Variants in RNF125 observed in about 807,000 individuals in gnomAD.
RNF125 encodes ring finger protein 125, also known as E3 ubiquitin-protein ligase RNF125.
Under a neutral mutation model 26.0 loss-of-function variants are expected in RNF125, and 21 were observed. That is an observed-to-expected ratio of 0.81 (90% CI 0.57 to 1.16). RNF125 has a LOEUF of 1.16. Ranked by LOEUF, RNF125 falls within the 50% of genes most tolerant of loss-of-function variation. The pLI is 0.00. For synonymous variants in RNF125, 95 were observed against 109.2 expected (o/e 0.87, Z 0.81); for missense variants, 270 against 299.4 (o/e 0.90, Z 0.72).
intron 1 of RNF125, among the ~76,000 whole-genome samples, chr18:32,032,778 G>A (rs939253997): frequency 6.6e-6 from 1 of 151,972 alleles, no homozygotes; most frequent in Non-Finnish European, 1.5e-5. Context: ...AGAATCACTG[G>A]AACCTGGGAG....
chr18:32,043,356 C>T (rs774568763), intron 3 of RNF125, among the ~76,000 whole-genome samples: 3 of 152,046 alleles, frequency 2.0e-5, no homozygotes, highest in Non-Finnish European at 4.4e-5. Flanking sequence ...TTTCTCTCTC[C>T]CAGAGAAAAA....
At chr18:32,056,145 C>G (rs1313018086) in intron 4 of RNF125, among the ~76,000 whole-genome samples, 1 of 151,576 alleles carries the variant, frequency 6.6e-6, no homozygotes, top group Non-Finnish European at 1.5e-5. Context: ...TGCAAGGATT[C>G]TTACTCTCTT....
intron 1 of RNF125, among the ~76,000 whole-genome samples, chr18:32,036,459 C>T (rs932831261): frequency 9.9e-5 from 15 of 151,320 alleles, no homozygotes; most frequent in African/African-American, 3.4e-4. Flanking sequence ...TCTTCAACAA[C>T]TCCTATAAAT....
chr18:32,085,916 AG>A, the RNF125 span, among the ~76,000 whole-genome samples: 1 of 152,152 alleles, frequency 6.6e-6, no homozygotes, highest in Admixed American at 6.6e-5. Context: ...GCAAATGCCT[AG>A]GTCAGATACT....
the RNF125 span, among the ~76,000 whole-genome samples, chr18:32,079,630 G>A: frequency 6.6e-6 from 1 of 152,144 alleles, no homozygotes; most frequent in Non-Finnish European, 1.5e-5. Context: ...TGATAAATAA[G>A]TTAGTGAATA....
At chr18:32,030,298 C>G (rs2039079898) in intron 1 of RNF125, among the ~76,000 whole-genome samples, 1 of 152,234 alleles carries the variant, frequency 6.6e-6, no homozygotes, top group Non-Finnish European at 1.5e-5. Flanking sequence ...CCGCCTCTCC[C>G]TCCCAAAGTG....
intron 2 of RNF125, among the ~76,000 whole-genome samples, chr18:32,041,620 CTTTTTTTTTTTTTTT>C (rs60264747): frequency 2.1e-5 from 2 of 93,280 alleles, no homozygotes; most frequent in Non-Finnish European, 4.2e-5. Flanking sequence ...AATGTAGATG[CTTTTTTTTTTTTTTT>C]TTTTTTTTTT....
At chr18:32,065,573 C>T (rs1470245782) in intron 4 of RNF125, among the ~76,000 whole-genome samples, 1 of 151,948 alleles carries the variant, frequency 6.6e-6, no homozygotes, top group African/African-American at 2.4e-5. Context: ...CTTGCTCTGT[C>T]GCCAGGCTGG....
At chr18:32,056,910 A>G (rs2144503381) in intron 4 of RNF125, among the ~76,000 whole-genome samples, 1 of 152,276 alleles carries the variant, frequency 6.6e-6, no homozygotes, top group South Asian at 2.1e-4. Context: ...CAGCATTTCT[A>G]TTTCTACATT....
intron 1 of RNF125, among the ~76,000 whole-genome samples, chr18:32,033,969 T>TA (rs371872089): frequency 0.04 from 5,591 of 139,442 alleles, 317 homozygotes; most frequent in African/African-American, 0.14. Flanking sequence ...AACATACCTT[T>TA]AAAAAAAAAA....
At chr18:32,049,393 A>AAGT (rs2039302867) in intron 4 of RNF125, among the ~76,000 whole-genome samples, 1 of 152,160 alleles carries the variant, frequency 6.6e-6, no homozygotes, top group Non-Finnish European at 1.5e-5. Context: ...CCTTTTTCAC[A>AAGT]AGTAGTAAAT....
chr18:32,077,438 T>G (rs943490932), downstream of RNF125, among the ~76,000 whole-genome samples: 2 of 146,514 alleles, frequency 1.4e-5, no homozygotes, highest in African/African-American at 5.0e-5. Flanking sequence ...CTCAGCTCAA[T>G]GCAACCTCTG....
chr18:32,090,379 C>T, the RNF125 span, among the ~76,000 whole-genome samples: 517 of 152,320 alleles, frequency 3.4e-3, 1 homozygote, highest in African/African-American at 0.012. Context: ...ACGTGCTCTT[C>T]CTCCTTCCAG....
In RNF125 at chr18:32,065,967, A is replaced by T. The variant is rs150663325; in HGVS notation, c.570A>T (p.Arg190Ser). 3.5e-3 allele frequency: 5,704 copies of T among 1,613,084 alleles called. 48 individuals are homozygous for T. The highest frequency in any genetic ancestry group is 0.03 in the African/African-American group (2,256 of 75,020). Residue 190 changes from arginine (R) to serine (S), a missense_variant, in exon 5 of 6, where the codon AGA (arginine) becomes AGT (serine). Coordinates refer to ENST00000217740, the MANE Select transcript of RNF125 (RefSeq NM_017831.4). ...NPSSFSGSLI[R>S]HLQVSHTLFY... ...GCAGCTTCAGTGGCAGTTTAATAAG[A>T]CATCTGCAAGTTAGTCACACTTTGT...
chr18:32,050,076 GACTTACCTC>G (rs1284890617), intron 4 of RNF125, among the ~76,000 whole-genome samples: 4 of 152,118 alleles, frequency 2.6e-5, no homozygotes, highest in Non-Finnish European at 4.4e-5. Flanking sequence ...GACATCATCT[GACTTACCTC>G]ACATAAGAGG....
chr18:32,070,588 C>A lies in RNF125; in HGVS notation c.*2204C>A, dbSNP rs1170446560. 4 of 152,190 alleles carry A rather than the reference C, an allele frequency of 2.6e-5. No individual in the cohort carries two copies. The highest frequency in any genetic ancestry group is 2.9e-5 in the Non-Finnish European group (2 of 68,028). The allele number at this position is 152,190 out of a possible 1,614,324, so 9.4% of individuals were successfully genotyped here. A position where few individuals can be genotyped will look rare whatever the true frequency, so the allele number is the denominator to read the frequency against. ...TAGAACATCCCACAATTACTCATTT[C>A]TTTTATTTATCTTACACTTACAGCT... is the stretch of plus-strand genomic sequence containing the variant. On this transcript the variant is annotated 3_prime_UTR_variant, in exon 6 of 6. Coordinates refer to ENST00000217740, the MANE Select transcript of RNF125 (RefSeq NM_017831.4).
intron 3 of RNF125, among the ~76,000 whole-genome samples, chr18:32,044,960 A>T (rs2039254187): frequency 6.6e-6 from 1 of 151,906 alleles, no homozygotes; most frequent in African/African-American, 2.4e-5. Context: ...TACCTCTATT[A>T]AAAATACAAA....
intron 1 of RNF125, among the ~76,000 whole-genome samples, chr18:32,031,884 C>G (rs573645207): frequency 6.6e-6 from 1 of 152,064 alleles, no homozygotes; most frequent in Non-Finnish European, 1.5e-5. Context: ...TTAAGACCAA[C>G]CAAGTTCAAG....
intron 1 of RNF125, among the ~76,000 whole-genome samples, chr18:32,023,400 G>T (rs559193639): frequency 6.6e-6 from 1 of 152,216 alleles, no homozygotes; most frequent in East Asian, 1.9e-4. Context: ...TGATTTGCCT[G>T]CCTCGGCCTC....
Sources: gnomAD v4.1 joint callset for allele counts (sites outside exome capture counted in the v4.1 genomes callset) on GRCh38, gnomAD v4.1.1 for gene constraint, MANE v1.5 for transcripts, NCBI Gene and HGNC (gene_info 2026-07-23, HGNC 2026-07-21) for gene names.